The following HBS1L variants were observed in gnomAD, a reference collection of about 807,000 sequenced individuals.
HBS1L encodes HBS1-like protein.
Under a neutral mutation model 88.9 loss-of-function variants are expected in HBS1L, and 55 were observed. That is an observed-to-expected ratio of 0.62 (90% CI 0.50 to 0.77). The LOEUF is 0.77. HBS1L is among the 30% of genes least tolerant of loss of function. The pLI is 0.00. For synonymous variants in HBS1L, 267 were observed against 288.5 expected, an observed-to-expected ratio of 0.93 and a Z score of 0.76; for missense variants, 741 against 829.3, an observed-to-expected ratio of 0.89 and a Z score of 1.31.
intron 4 of HBS1L, among the ~76,000 whole-genome samples, chr6:135,023,036 A>C (rs915316473): frequency 9.9e-5 from 15 of 152,032 alleles, no homozygotes; most frequent in Non-Finnish European, 2.1e-4. Context: ...ATACAGCAAA[A>C]TAAACAAGTA....
At chr6:134,977,649 G>T (rs1031347208) in intron 15 of HBS1L, among the ~76,000 whole-genome samples, 2 of 151,870 alleles carry the variant, frequency 1.3e-5, no homozygotes, top group African/African-American at 4.8e-5. Context: ...AAATATAGGT[G>T]TATCAGTATA....
chr6:134,991,073 A>ACG (rs1392406927), intron 8 of HBS1L, among the ~76,000 whole-genome samples: 1 of 151,096 alleles, frequency 6.6e-6, no homozygotes, highest in South Asian at 2.1e-4. Flanking sequence ...ATACACACAC[A>ACG]CACACACACA....
At chr6:135,007,792 T>A (rs908473843) in intron 4 of HBS1L, among the ~76,000 whole-genome samples, 3 of 152,168 alleles carry the variant, frequency 2.0e-5, no homozygotes, top group African/African-American at 7.2e-5. Flanking sequence ...CAACTGGAAA[T>A]TCATTCACCA....
Position 135,002,723 on chromosome 6 carries a change from C to CA in HBS1L, c.539+10dup. 3 of 1,566,014 alleles carry CA rather than the reference C, an allele frequency of 1.9e-6. No homozygotes were observed. The highest frequency in any genetic ancestry group is 2.6e-6 in the Non-Finnish European group (3 of 1,136,838). ...TGGGGGTGGGGATGAGGGAGGTACTCAAAGTCTTACCCAGGCACTTCAAAT... is the reference window on the plus strand; with the variant it reads ...TGGGGGTGGGGATGAGGGAGGTACTCAAAAGTCTTACCCAGGCACTTCAAAT... On this transcript the variant is annotated intron_variant, in intron 5 of 17. Transcript: ENST00000367837.
rs939712249 is a variant in HBS1L at position 134,963,184 on chromosome 6, C to A, written c.*2095G>T. 1 of 152,144 alleles carries A rather than the reference C, an allele frequency of 6.6e-6. No homozygotes were observed. Among genetic ancestry groups the A allele is most frequent in the Non-Finnish European group, 1.5e-5 (1 of 68,018 alleles). The allele number at this position is 152,144 out of a possible 1,614,324, so 9.4% of individuals were successfully genotyped here. ...TCCTAACAGCACCCTGAATTTCCAA[C>A]CCTCACACAACTGTTAGCTACATGC... On this transcript the variant is annotated 3_prime_UTR_variant, in exon 18 of 18. Coordinates refer to ENST00000367837, the MANE Select transcript of HBS1L (RefSeq NM_006620.4).
At chr6:135,030,779 C>T (rs1040261598) in intron 4 of HBS1L, among the ~76,000 whole-genome samples, 2 of 151,898 alleles carry the variant, frequency 1.3e-5, no homozygotes, top group African/African-American at 4.8e-5. Context: ...AGTAGTGGGC[C>T]AAAAAATGTA....
In HBS1L at chr6:134,979,221, G is replaced by T; in HGVS notation, c.1645C>A (p.His549Asn). ...EPVDWAAAGD[H>N]VSLTLVGMDI... is the part of the protein sequence containing the mutation. ...ATCCCAACCAAAGTAAGACTAACAT[G>T]ATCGCCTGCTGCCGCCCAGTCGACA... is the stretch of plus-strand genomic sequence containing the variant. The change falls in exon 14 of 18, where the codon CAT (histidine) becomes AAT (asparagine). Residue 549 changes from histidine to asparagine, a missense_variant. Around this residue, in one of 3 missense-constraint regions of HBS1L, gnomAD observed 181 missense variants for 212.7 expected, o/e 0.85. Transcript: ENST00000367837. The T allele has an allele frequency of 1.2e-6, 2 of 1,612,168 alleles. No individual in the cohort carries two copies. Among genetic ancestry groups the T allele is most frequent in the South Asian group, 2.2e-5 (2 of 91,014 alleles).
chr6:134,997,962 C>G (rs1192736996), intron 5 of HBS1L, among the ~76,000 whole-genome samples: 1 of 152,180 alleles, frequency 6.6e-6, no homozygotes, highest in South Asian at 2.1e-4. Context: ...TCCATCCTAT[C>G]AAAATCAATG....
chr6:135,049,146 C>G (rs545619990), intron 2 of HBS1L, among the ~76,000 whole-genome samples: 2 of 152,326 alleles, frequency 1.3e-5, no homozygotes, highest in African/African-American at 4.8e-5. Flanking sequence ...AGCTTATAAA[C>G]AGAAATTTCT....
intron 2 of HBS1L, among the ~76,000 whole-genome samples, chr6:135,046,233 A>G (rs1052899588): frequency 6.1e-5 from 8 of 130,344 alleles, no homozygotes; most frequent in Admixed American, 2.4e-4. Flanking sequence ...GCCTTCCCAG[A>G]CTCCTTCAGT....
rs780776115 is a variant in HBS1L at position 134,986,727 on chromosome 6, T to C, written c.1305+9A>G. ...AAAGTAATAACAAATAAATCTAAAATGATCTTACCTTAAAACCTGCTTGCT... is the reference window on the plus strand; with the variant it reads ...AAAGTAATAACAAATAAATCTAAAACGATCTTACCTTAAAACCTGCTTGCT... On this transcript the variant is annotated intron_variant, in intron 10 of 17. Transcript: ENST00000367837. 6 of 1,506,606 alleles carry C rather than the reference T, an allele frequency of 4.0e-6. No homozygotes were observed. The highest frequency in any genetic ancestry group is 4.5e-6 in the Non-Finnish European group (5 of 1,110,956). The allele number at this position is 1,506,606 out of a possible 1,614,324, so 93.3% of individuals were successfully genotyped here.
chr6:134,997,702 G>C, intron 5 of HBS1L, 46 bp from the exon 6 acceptor site: 3 of 1,558,064 alleles, frequency 1.9e-6, no homozygotes, highest in Non-Finnish European at 2.7e-6. Context: ...CAACTCTATT[G>C]ATGTCCTACA....
At chr6:135,035,835 A>G (rs1181337190) in intron 4 of HBS1L, 2 of 697,216 alleles carry the variant, frequency 2.9e-6, no homozygotes, top group Non-Finnish European at 3.5e-6. Flanking sequence ...AAAATTCTCC[A>G]TTCAAAGAAC....
At chr6:135,020,488 T>C (rs1237053872) in intron 4 of HBS1L, among the ~76,000 whole-genome samples, 1 of 151,984 alleles carries the variant, frequency 6.6e-6, no homozygotes, top group Non-Finnish European at 1.5e-5. Context: ...GTAATTGCCA[T>C]AAACAGGCCC....
At position 134,987,664 on chromosome 6, in the gene HBS1L, G is replaced by A; in HGVS notation, c.1211C>T (p.Ala404Val). 3 of 1,600,340 alleles carry A rather than the reference G, an allele frequency of 1.9e-6. No homozygotes were observed. Among genetic ancestry groups the A allele is most frequent in the Non-Finnish European group, 1.7e-6 (2 of 1,173,804 alleles). The change falls in exon 9 of 18, where the codon GCA becomes GTA. Residue 404 changes from alanine (A) to valine (V), a missense_variant. This residue lies in a region of HBS1L where 556 missense variants were observed against 598.4 expected (regional missense o/e 0.93). Transcript: ENST00000367837. ...RSLGVTQLAV[A>V]VNKMDQVNWQ... ...AAATACCTGATCCATTTTATTAACTGCAACTGCAAGCTGCGTCACTCCCAG... is the reference window on the plus strand; with the variant it reads ...AAATACCTGATCCATTTTATTAACTACAACTGCAAGCTGCGTCACTCCCAG...
At chr6:134,984,619 GTAA>G (rs1262355433) in intron 12 of HBS1L, among the ~76,000 whole-genome samples, 1 of 152,052 alleles carries the variant, frequency 6.6e-6, no homozygotes, top group African/African-American at 2.4e-5. Flanking sequence ...TTTTATTATT[GTAA>G]TAATAAATCT....
chr6:135,041,948 G>A, intron 3 of HBS1L, 53 bp downstream of exon 3: 1 of 1,527,726 alleles, frequency 6.5e-7, no homozygotes, highest in Non-Finnish European at 9.0e-7. Flanking sequence ...AAATTCTGGT[G>A]TATTTGGTCA....
chr6:134,970,055 A>G (rs541792155), intron 15 of HBS1L, among the ~76,000 whole-genome samples: 36 of 152,220 alleles, frequency 2.4e-4, no homozygotes, highest in Non-Finnish European at 3.1e-4. Context: ...TATTTAATTT[A>G]TGCAGCAGCT....
chr6:135,024,857 T>C (rs1776182056), intron 4 of HBS1L, among the ~76,000 whole-genome samples: 2 of 152,114 alleles, frequency 1.3e-5, no homozygotes, highest in African/African-American at 4.8e-5. Context: ...ACTATAAATA[T>C]ATTAAAATAC....
Sources: gnomAD v4.1 joint callset for allele counts (sites outside exome capture counted in the v4.1 genomes callset) on GRCh38, gnomAD v4.1.1 for gene constraint, gnomAD v4.1.1 regional missense constraint, MANE v1.5 for transcripts, NCBI Gene and HGNC (gene_info 2026-07-23, HGNC 2026-07-21) for gene names.